BCHE: variants seen among roughly 807,000 people sequenced by gnomAD.
The protein encoded by BCHE is butyrylcholinesterase.
A neutral mutation model predicts 51.3 loss-of-function variants in BCHE; 48 were observed. The ratio of observed to expected loss-of-function variants is 0.94; its 90% CI spans 0.74 to 1.19. The LOEUF is 1.19. BCHE is among the 50% of genes most tolerant of loss of function. The pLI is 0.00. For missense variants in BCHE, 847 were observed against 708.2 expected (o/e 1.20, Z -2.23); for synonymous variants, 251 against 238.0 (o/e 1.05, Z -0.50).
intron 2 of BCHE, among the ~76,000 whole-genome samples, chr3:165,797,214 C>CCTTCCCTCCTTCCT (rs1713426465): frequency 2.7e-4 from 1 of 3,662 alleles, no homozygotes; most frequent in African/African-American, 1.1e-3. Flanking sequence ...CCTTCCTTCC[C>CCTTCCCTCCTTCCT]TCCTTCCCTC....
chr3:165,800,191 C>T (rs1467593863), intron 2 of BCHE, among the ~76,000 whole-genome samples: 1 of 151,910 alleles, frequency 6.6e-6, no homozygotes, highest in Non-Finnish European at 1.5e-5. Context: ...TTCAAGTTAT[C>T]TTGAAGTAAT....
At chr3:165,810,562 G>T (rs1288381177) in intron 2 of BCHE, among the ~76,000 whole-genome samples, 2 of 152,260 alleles carry the variant, frequency 1.3e-5, no homozygotes, top group East Asian at 3.9e-4. Context: ...TATTGTGCCA[G>T]CCAAATCATC....
At chr3:165,804,777 T>C (rs901458658) in intron 2 of BCHE, among the ~76,000 whole-genome samples, 1 of 152,222 alleles carries the variant, frequency 6.6e-6, no homozygotes. Flanking sequence ...CCAGGCAACA[T>C]TAAAGAATCT....
chr3:165,773,107 A>T lies in BCHE; in HGVS notation c.*275T>A. 3.7e-6 allele frequency: 1 copy of T among 273,410 alleles called. No homozygotes were observed. The highest frequency in any genetic ancestry group is 6.9e-6 in the Non-Finnish European group (1 of 145,562). The allele number at this position is 273,410 out of a possible 1,614,324, so 16.9% of individuals were successfully genotyped here. The stretch of plus-strand genomic sequence containing the variant: ...TGGGGGGAAAAACTTAAATTTATTA[A>T]GGAAAGAAAGAAATTGAACCAGGCC... On this transcript the variant is annotated 3_prime_UTR_variant, in exon 4 of 4. Coordinates refer to ENST00000264381, the MANE Select transcript of BCHE (RefSeq NM_000055.4).
chr3:165,835,455 A>G (rs1715156322), intron 1 of BCHE, among the ~76,000 whole-genome samples: 8 of 151,840 alleles, frequency 5.3e-5, no homozygotes, highest in Admixed American at 5.3e-4. Flanking sequence ...AGTTACAATT[A>G]AATAAATATT....
chr3:165,784,498 G>A (rs1712864832), intron 3 of BCHE, among the ~76,000 whole-genome samples: 1 of 151,864 alleles, frequency 6.6e-6, no homozygotes, highest in African/African-American at 2.4e-5. Context: ...CCTTAAGCAT[G>A]GTCCTAGACC....
At position 165,808,154 on chromosome 3, in the gene BCHE, T is replaced by G. The variant is rs146624874; in HGVS notation, c.1517+21363A>C. On this transcript the variant is annotated intron_variant, in intron 2 of 3. Coordinates refer to ENST00000264381, the MANE Select transcript of BCHE (RefSeq NM_000055.4). The stretch of plus-strand genomic sequence containing the variant: ...GCCTGCCACCACGCCTGGCTAATTT[T>G]TGGTATTTTTTTAGTAGAGACGAGG... Among the ~76,000 whole-genome samples, 258 of 152,142 alleles carry G rather than the reference T, an allele frequency of 1.7e-3. 2 individuals carry two copies. The highest frequency in any genetic ancestry group is 5.9e-3 in the African/African-American group (246 of 41,494).
intron 3 of BCHE, among the ~76,000 whole-genome samples, chr3:165,784,889 T>A (rs1335402268): frequency 6.6e-6 from 1 of 151,730 alleles, no homozygotes; most frequent in Admixed American, 6.6e-5. Context: ...TAGTATCTCT[T>A]TGGGTCTCTT....
rs1004139657 is a variant in BCHE at position 165,830,350 on chromosome 3, T to C, written c.684A>G (p.Gly228=). 4.3e-6 allele frequency: 7 copies of C among 1,614,006 alleles called. No individual in the cohort carries two copies. The Admixed American group carries it at 1.0e-4, about 23-fold the overall frequency. ...GCAAATGCAGGCTAACTGAAGCTGCTCCTGCACTTTCTCCAAAGAGAGTTA... is the reference window on the plus strand; with the variant it reads ...GCAAATGCAGGCTAACTGAAGCTGCCCCTGCACTTTCTCCAAAGAGAGTTA... ...KSVTLFGESA[G]AASVSLHLLS... is the part of the protein sequence containing the mutation. The change falls in exon 2 of 4, where the codon GGA becomes GGG. Residue 228 remains glycine, a synonymous_variant. Transcript: ENST00000264381.
intron 1 of BCHE, among the ~76,000 whole-genome samples, chr3:165,833,856 C>T (rs778723974): frequency 3.9e-5 from 6 of 152,018 alleles, no homozygotes; most frequent in Non-Finnish European, 8.8e-5. Context: ...GCTGATTGGG[C>T]GGTTCGTTCT....
At chr3:165,834,322 G>A (rs1715107726) in intron 1 of BCHE, among the ~76,000 whole-genome samples, 1 of 151,944 alleles carries the variant, frequency 6.6e-6, no homozygotes, top group Non-Finnish European at 1.5e-5. Context: ...TTAATTTTTC[G>A]ATAATGATAT....
At position 165,837,372 on chromosome 3, in the gene BCHE, C is replaced by T. The variant is rs1176109767; in HGVS notation, c.-67G>A. On this transcript the variant is annotated 5_prime_UTR_variant, in exon 1 of 4. Coordinates refer to ENST00000264381, the MANE Select transcript of BCHE (RefSeq NM_000055.4). ...AAGGAGTGAAAATCATGTAATACTTCGGGGAAATGCAGGATGCAGCTGCTG... is the reference window on the plus strand; with the variant it reads ...AAGGAGTGAAAATCATGTAATACTTTGGGGAAATGCAGGATGCAGCTGCTG... 1.0e-5 allele frequency: 13 copies of T among 1,289,724 alleles called. No individual in the cohort carries two copies. Among genetic ancestry groups the T allele is most frequent in the Non-Finnish European group, 1.3e-5 (13 of 988,834 alleles). 79.9% of individuals were successfully genotyped at this position (1,289,724 alleles called of 1,614,324 possible).
In BCHE at chr3:165,796,242, G is replaced by A. The variant is rs375679875; in HGVS notation, c.1518-9931C>T. ...GATGAGGTTTCATCACTAGCAATAA[G>A]CAAAGACCAATTATGATATAATATA... On this transcript the variant is annotated intron_variant, in intron 2 of 3. Coordinates refer to ENST00000264381, the MANE Select transcript of BCHE (RefSeq NM_000055.4). Among the ~76,000 whole-genome samples the A allele has an allele frequency of 1.9e-4, 29 of 152,212 alleles. 1 individual carries two copies. In the East Asian group the frequency reaches 2.5e-3, roughly 13 times the overall value.
intron 2 of BCHE, among the ~76,000 whole-genome samples, chr3:165,818,461 A>C (rs1412170916): frequency 1.3e-5 from 2 of 152,104 alleles, no homozygotes; most frequent in South Asian, 2.1e-4. Flanking sequence ...CAGGTGGAAA[A>C]ATTAACCCAC....
intron 2 of BCHE, among the ~76,000 whole-genome samples, chr3:165,794,206 C>A (rs367773865): frequency 6.6e-6 from 1 of 152,094 alleles, no homozygotes; most frequent in African/African-American, 2.4e-5. Flanking sequence ...AATTTAATCA[C>A]ACTGGCTCCA....
chr3:165,817,981 A>T (rs1714372726), intron 2 of BCHE, among the ~76,000 whole-genome samples: 2 of 152,080 alleles, frequency 1.3e-5, no homozygotes, highest in Non-Finnish European at 2.9e-5. Context: ...GACCATAATT[A>T]TTTTATACTG....
chr3:165,791,111 A>G (rs1225981237), intron 2 of BCHE, among the ~76,000 whole-genome samples: 1 of 152,078 alleles, frequency 6.6e-6, no homozygotes, highest in African/African-American at 2.4e-5. Context: ...CCTGGCCAAC[A>G]TGGTGAAACC....
chr3:165,819,119 C>T (rs1576863198), intron 2 of BCHE, among the ~76,000 whole-genome samples: 1 of 141,134 alleles, frequency 7.1e-6, no homozygotes, highest in Admixed American at 7.4e-5. Context: ...GCTCTTGTTG[C>T]CCAGGCTGGA....
rs1021320529 is a variant in BCHE at position 165,837,343 on chromosome 3, T to C, written c.-38A>G. ...TTCTCTGCAACAAAGATGGCAAAGT[T>C]TGCAAGGAGTGAAAATCATGTAATA... is the stretch of plus-strand genomic sequence containing the variant. On this transcript the variant is annotated 5_prime_UTR_variant, in exon 1 of 4. Transcript: ENST00000264381. The C allele has an allele frequency of 6.2e-6, 8 of 1,289,738 alleles. No individual in the cohort carries two copies. The highest frequency in any genetic ancestry group is 8.1e-6 in the Non-Finnish European group (8 of 988,822). 79.9% of individuals were successfully genotyped at this position (1,289,738 alleles called of 1,614,324 possible).
Sources: allele counts gnomAD v4.1 joint callset (sites outside exome capture counted in the v4.1 genomes callset), GRCh38; gene constraint gnomAD v4.1.1; transcripts MANE v1.5; gene names NCBI Gene and HGNC (gene_info 2026-07-23, HGNC 2026-07-21).